PRRX1: variants seen among roughly 807,000 people sequenced by gnomAD.
PRRX1 encodes the protein paired mesoderm homeobox protein 1.
PRRX1 carries 8 observed loss-of-function variants against 24.0 expected under a neutral mutation model. The observed-to-expected ratio is 0.33, with a 90% CI of 0.20 to 0.60. PRRX1 has a LOEUF of 0.60. Ranked by LOEUF, PRRX1 falls within the 20% of genes least tolerant of loss-of-function variation. PRRX1 has a pLI of 0.82. For missense variants in PRRX1, 281 were observed against 322.4 expected (o/e 0.87, Z 0.98); for synonymous variants, 160 against 131.7 (o/e 1.22, Z -1.47).
At chr1:170,666,214 T>C (rs1360047416) in intron 1 of PRRX1, among the ~76,000 whole-genome samples, 1 of 151,438 alleles carries the variant, frequency 6.6e-6, no homozygotes, top group African/African-American at 2.4e-5. Flanking sequence ...AGGTCAGGAG[T>C]TCGAGACCAG....
intron 3 of PRRX1, 124 bp from the exon 4 acceptor site, chr1:170,735,924 A>G: frequency 7.6e-7 from 1 of 1,320,024 alleles, no homozygotes; most frequent in Non-Finnish European, 1.1e-6. Context: ...CCTAGAGGTC[A>G]TCTAGTCCAA....
At chr1:170,683,919 C>G (rs187191321) in intron 1 of PRRX1, among the ~76,000 whole-genome samples, 47 of 152,164 alleles carry the variant, frequency 3.1e-4, no homozygotes, top group African/African-American at 1.0e-3. Flanking sequence ...AAACAGTAAC[C>G]AAAATTCAGG....
intron 2 of PRRX1, among the ~76,000 whole-genome samples, chr1:170,724,999 T>C (rs1019080252): frequency 6.6e-6 from 1 of 152,188 alleles, no homozygotes; most frequent in African/African-American, 2.4e-5. Context: ...GCTTTACTTC[T>C]CTTCTTAGCT....
chr1:170,720,741 TC>T (rs1655055805), intron 2 of PRRX1, among the ~76,000 whole-genome samples: 1 of 152,236 alleles, frequency 6.6e-6, no homozygotes, highest in Admixed American at 6.5e-5. Flanking sequence ...TTATTTTCCT[TC>T]AGTGTCTCTG....
chr1:170,714,228 G>A (rs1044969083), intron 1 of PRRX1, among the ~76,000 whole-genome samples: 2 of 152,120 alleles, frequency 1.3e-5, no homozygotes, highest in African/African-American at 2.4e-5. Context: ...AAAGCTAAAC[G>A]GTTTTTAGTG....
rs1655626940 is a variant in PRRX1, at chr1:170,736,884, A to C, written c.*698A>C. On this transcript the variant is annotated 3_prime_UTR_variant, in exon 4 of 4. Transcript: ENST00000239461. ...AAGTCTACATCTAAGCTATAGATTT[A>C]AGCTTGAAGCTACAGATTATATCAC... is the stretch of plus-strand genomic sequence containing the variant. 5.1e-6 allele frequency: 1 copy of C among 197,974 alleles called. No individual in the cohort carries two copies. Among genetic ancestry groups the C allele is most frequent in the South Asian group, 1.9e-4 (1 of 5,220 alleles). The allele number at this position is 197,974 out of a possible 1,614,324, so 12.3% of individuals were successfully genotyped here.
At chr1:170,706,315 T>C (rs544141953) in intron 1 of PRRX1, among the ~76,000 whole-genome samples, 16 of 152,314 alleles carry the variant, frequency 1.1e-4, no homozygotes, top group African/African-American at 3.8e-4. Flanking sequence ...AGCAATTAAG[T>C]ATATTATTCT....
At chr1:170,701,631 G>T (rs932344139) in intron 1 of PRRX1, among the ~76,000 whole-genome samples, 2 of 152,056 alleles carry the variant, frequency 1.3e-5, no homozygotes, top group Admixed American at 1.3e-4. Flanking sequence ...GATTTTATTC[G>T]AAAGGGTTAT....
chr1:170,706,883 C>T lies in PRRX1; in HGVS notation c.242-12843C>T, dbSNP rs1174447193. Reference sequence around the variant, plus strand: ...GTGGCTCACACCTGTAATCTCAACACTTTGGGAGGCTGAGGCAGGAGGATT... The same window carrying T: ...GTGGCTCACACCTGTAATCTCAACATTTTGGGAGGCTGAGGCAGGAGGATT... On this transcript the variant is annotated intron_variant, in intron 1 of 3. Transcript: ENST00000239461. Among the ~76,000 whole-genome samples the T allele has an allele frequency of 2.0e-5, 3 of 152,026 alleles. No homozygotes were observed. In the East Asian group the frequency reaches 5.8e-4, roughly 29 times the overall value.
chr1:170,722,340 A>G (rs571457056), intron 2 of PRRX1, among the ~76,000 whole-genome samples: 8 of 152,114 alleles, frequency 5.3e-5, no homozygotes, highest in African/African-American at 1.9e-4. Flanking sequence ...GCCATGTTTT[A>G]TTCATCTTTG....
intron 1 of PRRX1, among the ~76,000 whole-genome samples, chr1:170,719,000 A>G (rs1654997537): frequency 6.6e-6 from 1 of 152,188 alleles, no homozygotes; most frequent in Non-Finnish European, 1.5e-5. Flanking sequence ...AGTTTGAGTG[A>G]AACATTTTCA....
intron 1 of PRRX1, among the ~76,000 whole-genome samples, chr1:170,670,898 A>G (rs1335584023): frequency 6.6e-6 from 1 of 152,204 alleles, no homozygotes; most frequent in Admixed American, 6.5e-5. Context: ...GTTCTCAGAT[A>G]TAGGAATAAG....
intron 2 of PRRX1, among the ~76,000 whole-genome samples, chr1:170,724,963 T>C (rs779645178): frequency 1.6e-4 from 24 of 152,336 alleles, no homozygotes; most frequent in Admixed American, 1.3e-3. Flanking sequence ...CCTTGAGCAA[T>C]GGTTTTTAGT....
At chr1:170,670,902 G>A (rs1307490834) in intron 1 of PRRX1, among the ~76,000 whole-genome samples, 1 of 152,150 alleles carries the variant, frequency 6.6e-6, no homozygotes, top group Non-Finnish European at 1.5e-5. Context: ...TCAGATATAG[G>A]AATAAGGGTC....
intron 1 of PRRX1, among the ~76,000 whole-genome samples, chr1:170,703,874 A>G (rs1654475730): frequency 6.6e-6 from 1 of 152,224 alleles, no homozygotes; most frequent in South Asian, 2.1e-4. Context: ...AAATACATAG[A>G]AAACAAAGAA....
chr1:170,671,679 T>C (rs1653149226), intron 1 of PRRX1, among the ~76,000 whole-genome samples: 1 of 152,198 alleles, frequency 6.6e-6, no homozygotes, highest in Non-Finnish European at 1.5e-5. Flanking sequence ...CACATGCATC[T>C]TAATGGAAAC....
intron 1 of PRRX1, among the ~76,000 whole-genome samples, chr1:170,705,535 G>A (rs1343813163): frequency 6.6e-6 from 1 of 151,994 alleles, no homozygotes; most frequent in Non-Finnish European, 1.5e-5. Flanking sequence ...TACCCGCCCT[G>A]GCATCCCAAA....
At chr1:170,680,953 G>T (rs191544738) in intron 1 of PRRX1, among the ~76,000 whole-genome samples, 1 of 152,208 alleles carries the variant, frequency 6.6e-6, no homozygotes, top group African/African-American at 2.4e-5. Flanking sequence ...ATGTATCAAT[G>T]AAACAACAAA....
chr1:170,689,858 C>T (rs112779453), intron 1 of PRRX1, among the ~76,000 whole-genome samples: 2 of 139,072 alleles, frequency 1.4e-5, no homozygotes, highest in Admixed American at 1.4e-4. Flanking sequence ...CTCTCTCTCT[C>T]TCTCTCTCTC....
Sources: gnomAD v4.1 joint callset for allele counts (sites outside exome capture counted in the v4.1 genomes callset) on GRCh38, gnomAD v4.1.1 for gene constraint, MANE v1.5 for transcripts, NCBI Gene and HGNC (gene_info 2026-07-23, HGNC 2026-07-21) for gene names.